ARHGAP42: variants seen among roughly 807,000 people sequenced by gnomAD.
The protein encoded by ARHGAP42 is rho GTPase-activating protein 42.
ARHGAP42 carries 63 observed loss-of-function variants against 125.0 expected under a neutral mutation model. The ratio of observed to expected loss-of-function variants is 0.50; its 90% CI spans 0.41 to 0.62. The LOEUF (loss-of-function observed/expected upper bound fraction) is 0.62, where lower values mean the gene tolerates loss of function less well. Ranked by LOEUF, ARHGAP42 falls within the 20% of genes least tolerant of loss-of-function variation. The pLI, the probability that ARHGAP42 is intolerant of heterozygous loss-of-function variation, is 0.00. For synonymous variants in ARHGAP42, 339 were observed against 351.0 expected, an observed-to-expected ratio of 0.97 and a Z score of 0.38; for missense variants, 766 against 1,024.2, an observed-to-expected ratio of 0.75 and a Z score of 3.44.
At chr11:100,907,287 A>G (rs1404024830) in intron 4 of ARHGAP42, among the ~76,000 whole-genome samples, 3 of 152,296 alleles carry the variant, frequency 2.0e-5, no homozygotes, top group Admixed American at 1.3e-4. Flanking sequence ...TCTTTTGTGT[A>G]TTATCCCTTC....
chr11:100,937,715 T>C (rs1304981877), intron 8 of ARHGAP42, among the ~76,000 whole-genome samples: 1 of 152,242 alleles, frequency 6.6e-6, no homozygotes. Flanking sequence ...GCTGAAATCT[T>C]TGTGGGCACA....
intron 1 of ARHGAP42, among the ~76,000 whole-genome samples, chr11:100,742,470 G>C (rs1862210242): frequency 6.6e-6 from 1 of 152,166 alleles, no homozygotes; most frequent in South Asian, 2.1e-4. Flanking sequence ...TCATATATTT[G>C]AAGTGCTTTG....
intron 6 of ARHGAP42, among the ~76,000 whole-genome samples, chr11:100,929,522 C>G (rs1867518418): frequency 6.6e-6 from 1 of 152,308 alleles, no homozygotes; most frequent in African/African-American, 2.4e-5. Flanking sequence ...CTTGACACTC[C>G]CACCAGTGAT....
At chr11:100,970,576 G>C (rs1419284876) in intron 17 of ARHGAP42, among the ~76,000 whole-genome samples, 1 of 151,106 alleles carries the variant, frequency 6.6e-6, no homozygotes, top group African/African-American at 2.4e-5. Flanking sequence ...CTCCTTGCCA[G>C]GTCACTTAAA....
chr11:100,802,290 A>T (rs1863873413), intron 3 of ARHGAP42, among the ~76,000 whole-genome samples: 1 of 152,190 alleles, frequency 6.6e-6, no homozygotes, highest in African/African-American at 2.4e-5. Flanking sequence ...GCCTTCTAGA[A>T]GAGATCTAGG....
At chr11:100,855,087 G>T (rs1243663129) in intron 3 of ARHGAP42, among the ~76,000 whole-genome samples, 2 of 152,040 alleles carry the variant, frequency 1.3e-5, no homozygotes, top group African/African-American at 4.8e-5. Flanking sequence ...TACCATTTAT[G>T]TTTTTTGTTG....
chr11:100,992,550 T>A lies in ARHGAP42; in HGVS notation c.*3749T>A. ...CTGTGTCCTGCCTGTCTCCTGTTGA[T>A]TCGCAGATGTAATATCGAGTATTCA... On this transcript the variant is annotated 3_prime_UTR_variant, in exon 24 of 24. Coordinates refer to ENST00000298815, the MANE Select transcript of ARHGAP42 (RefSeq NM_152432.4). The A allele has an allele frequency of 1.2e-6, 2 of 1,614,124 alleles. No homozygotes were observed. Among genetic ancestry groups the A allele is most frequent in the Non-Finnish European group, 1.7e-6 (2 of 1,179,970 alleles).
Position 100,955,191 on chromosome 11 carries a change from T to G in ARHGAP42, c.1163-4692T>G, listed in dbSNP as rs555463472. Among the ~76,000 whole-genome samples, 56 of 151,434 alleles carry G rather than the reference T, an allele frequency of 3.7e-4. No homozygotes were observed. The South Asian group carries it at 4.2e-3, about 11-fold the overall frequency. The stretch of plus-strand genomic sequence containing the variant: ...CTAAACTGCCTTATGGAAATTTTTT[T>G]AAGGTTTTAATAAAAGCTTTATCCC... On this transcript the variant is annotated intron_variant, in intron 12 of 23. Transcript: ENST00000298815.
At chr11:100,730,419 G>A (rs1299567638) in intron 1 of ARHGAP42, among the ~76,000 whole-genome samples, 1 of 152,186 alleles carries the variant, frequency 6.6e-6, no homozygotes, top group East Asian at 1.9e-4. Flanking sequence ...GGTGAATATG[G>A]AGAAATCCTC....
At chr11:100,936,416 A>C (rs903466718) in intron 8 of ARHGAP42, 84 bp downstream of exon 8, 7 of 1,493,618 alleles carry the variant, frequency 4.7e-6, no homozygotes, top group African/African-American at 2.8e-5. Context: ...ATTTCCTTCA[A>C]GTAGGAGGAC....
At chr11:100,815,536 G>A (rs1409846027) in intron 3 of ARHGAP42, among the ~76,000 whole-genome samples, 3 of 152,168 alleles carry the variant, frequency 2.0e-5, no homozygotes, top group African/African-American at 7.2e-5. Context: ...TTCCCAGATA[G>A]ATGTGCAGAT....
chr11:100,769,559 G>A (rs1591165997), intron 1 of ARHGAP42, among the ~76,000 whole-genome samples: 1 of 152,108 alleles, frequency 6.6e-6, no homozygotes, highest in South Asian at 2.1e-4. Context: ...CAGCCTTTCA[G>A]GTCATCTTTT....
intron 3 of ARHGAP42, among the ~76,000 whole-genome samples, chr11:100,841,436 T>C (rs1864944915): frequency 6.6e-6 from 1 of 152,040 alleles, no homozygotes; most frequent in South Asian, 2.1e-4. Flanking sequence ...TTTAAAAACC[T>C]CAGAAGTATA....
At chr11:100,702,574 A>G (rs1397932600) in intron 1 of ARHGAP42, among the ~76,000 whole-genome samples, 1 of 151,866 alleles carries the variant, frequency 6.6e-6, no homozygotes, top group Non-Finnish European at 1.5e-5. Flanking sequence ...TGTAAAAAAA[A>G]AAAAAACTGC....
At chr11:100,931,852 T>C (rs935753926) in intron 6 of ARHGAP42, among the ~76,000 whole-genome samples, 1 of 152,204 alleles carries the variant, frequency 6.6e-6, no homozygotes. Flanking sequence ...ATATATTTTA[T>C]TGGATAATTT....
intron 1 of ARHGAP42, 176 bp downstream of exon 1, chr11:100,688,008 C>G (rs990262387): frequency 1.6e-6 from 1 of 617,868 alleles, no homozygotes; most frequent in Non-Finnish European, 2.6e-6. Flanking sequence ...GTGTTCTTTA[C>G]TTACTCACAT....
chr11:100,901,500 G>C (rs1866546693), intron 4 of ARHGAP42, among the ~76,000 whole-genome samples: 1 of 152,364 alleles, frequency 6.6e-6, no homozygotes, highest in South Asian at 2.1e-4. Context: ...CTTTTGTTCA[G>C]CTATGCCCTG....
At position 100,702,102 on chromosome 11, in the gene ARHGAP42, T is replaced by C. The variant is rs372148676; in HGVS notation, c.154+14270T>C. ...GAGATTGAGACCAGCCTGGTCAACATAGCAAGACCCTGTCTCAAAAAAAAA... is the reference window on the plus strand; with the variant it reads ...GAGATTGAGACCAGCCTGGTCAACACAGCAAGACCCTGTCTCAAAAAAAAA... On this transcript the variant is annotated intron_variant, in intron 1 of 23. Coordinates refer to ENST00000298815, the MANE Select transcript of ARHGAP42 (RefSeq NM_152432.4). Among the ~76,000 whole-genome samples, 17 of 151,800 alleles carry C rather than the reference T, an allele frequency of 1.1e-4. No homozygotes were observed. The South Asian group carries it at 3.5e-3, about 32-fold the overall frequency.
intron 9 of ARHGAP42, among the ~76,000 whole-genome samples, chr11:100,942,561 C>T (rs752590932): frequency 1.3e-5 from 2 of 152,106 alleles, no homozygotes; most frequent in African/African-American, 4.8e-5. Flanking sequence ...AATCTGAGCA[C>T]GCTGAAGCTG....
Sources: gnomAD v4.1 joint callset for allele counts (sites outside exome capture counted in the v4.1 genomes callset) on GRCh38, gnomAD v4.1.1 for gene constraint, MANE v1.5 for transcripts, NCBI Gene and HGNC (gene_info 2026-07-23, HGNC 2026-07-21) for gene names.